Variants in GSDMC observed in about 807,000 individuals in gnomAD.
GSDMC encodes gasdermin C.
GSDMC carries 59 observed loss-of-function variants against 58.0 expected under a neutral mutation model. That is an observed-to-expected ratio of 1.02 (90% confidence interval 0.82 to 1.26). The LOEUF is 1.26. Ranked by LOEUF, GSDMC falls within the 50% of genes most tolerant of loss-of-function variation. The pLI is 0.00. For synonymous variants in GSDMC, 241 were observed against 220.2 expected, an observed-to-expected ratio of 1.09 and a Z score of -0.83; for missense variants, 659 against 598.5, an observed-to-expected ratio of 1.10 and a Z score of -1.06.
downstream of GSDMC, among the ~76,000 whole-genome samples, chr8:129,747,428 C>CTGTTTAAAAGTGAAGACA (rs2032989929): frequency 6.6e-6 from 1 of 152,020 alleles, no homozygotes; most frequent in Non-Finnish European, 1.5e-5. Context: ...AAAGTAAACA[C>CTGTTTAAAAGTGAAGACA]TGTTTAAAAG....
intron 3 of GSDMC, among the ~76,000 whole-genome samples, chr8:129,774,196 AACAG>A (rs2034148958): frequency 6.6e-6 from 1 of 152,202 alleles, no homozygotes; most frequent in African/African-American, 2.4e-5. Flanking sequence ...CTTGCATAAA[AACAG>A]ACATATAAAC....
chr8:129,715,577 G>C, the GSDMC span, among the ~76,000 whole-genome samples: 2 of 152,098 alleles, frequency 1.3e-5, no homozygotes, highest in Admixed American at 1.3e-4. Context: ...CCTTAAATGA[G>C]TTTCAAAATC....
rs114290577 is a variant in GSDMC at position 129,756,962 on chromosome 8, T to C, written c.721+3583A>G. On this transcript the variant is annotated intron_variant, in intron 6 of 13. Coordinates refer to ENST00000276708, the MANE Select transcript of GSDMC (RefSeq NM_031415.3). The stretch of plus-strand genomic sequence containing the variant: ...GCCTACATCAAAAAAGAAGAAAAAC[T>C]TCATAAAAAACTACCTTATGATGCA... 9.5e-3 allele frequency among the ~76,000 whole-genome samples: 1,435 copies of C among 151,422 alleles called. 30 individuals carry two copies. The highest frequency in any genetic ancestry group is 0.033 in the African/African-American group (1,363 of 41,302).
intron 13 of GSDMC, 95 bp from the exon 14 acceptor site, chr8:129,748,835 A>T: frequency 9.8e-7 from 1 of 1,025,044 alleles, no homozygotes; most frequent in Non-Finnish European, 1.4e-6. Context: ...AGGATAATAA[A>T]AGGAGCAAGA....
chr8:129,763,679 C>T (rs766313360), intron 4 of GSDMC, among the ~76,000 whole-genome samples: 70 of 152,260 alleles, frequency 4.6e-4, no homozygotes, highest in Admixed American at 5.9e-4. Flanking sequence ...CAGGCTCAAG[C>T]AATTCTCCCA....
Position 129,748,396 on chromosome 8 carries a change from G to C in GSDMC, c.*105C>G. On this transcript the variant is annotated 3_prime_UTR_variant, in exon 14 of 14. Transcript: ENST00000276708. ...CCCATTACTGTCTCTACTCCACCTG[G>C]AAACGCAGAGAGGCACAGCCCTATC... 3.4e-6 allele frequency: 4 copies of C among 1,172,628 alleles called. No homozygotes were observed. The highest frequency in any genetic ancestry group is 4.7e-6 in the Non-Finnish European group (4 of 850,776). 72.6% of individuals were successfully genotyped at this position (1,172,628 alleles called of 1,614,324 possible).
chr8:129,758,405 T>C (rs2033526294), intron 6 of GSDMC, among the ~76,000 whole-genome samples: 1 of 152,146 alleles, frequency 6.6e-6, no homozygotes, highest in Admixed American at 6.5e-5. Context: ...GGCATCCAGA[T>C]TGGAAAGGAA....
chr8:129,753,440 C>A (rs992866798), intron 6 of GSDMC, among the ~76,000 whole-genome samples: 3 of 152,278 alleles, frequency 2.0e-5, no homozygotes, highest in East Asian at 1.9e-4. Context: ...ACAGTCCTGG[C>A]AGAATTCATC....
At chr8:129,772,327 G>A (rs1248932171) in intron 3 of GSDMC, among the ~76,000 whole-genome samples, 1 of 148,680 alleles carries the variant, frequency 6.7e-6, no homozygotes, top group Admixed American at 6.7e-5. Context: ...CAATAGAAAA[G>A]AAAAGGTAAT....
At chr8:129,737,920 A>G in the GSDMC span, among the ~76,000 whole-genome samples, 1 of 152,226 alleles carries the variant, frequency 6.6e-6, no homozygotes, top group African/African-American at 2.4e-5. Context: ...TCGTCTGACA[A>G]AGGGCTAATA....
At position 129,786,599 on chromosome 8, in the gene GSDMC, C is replaced by T. The variant is rs544569018; in HGVS notation, c.-593G>A. On this transcript the variant is annotated 5_prime_UTR_variant, in exon 1 of 14. Coordinates refer to ENST00000276708, the MANE Select transcript of GSDMC (RefSeq NM_031415.3). ...AGCTCTCAAGTCCTCAGCAAAAAGT[C>T]TGTGGAACAAAATCAAGTGGCATCT... 6.6e-6 allele frequency: 1 copy of T among 151,934 alleles called. No individual in the cohort carries two copies. The highest frequency in any genetic ancestry group is 1.9e-4 in the East Asian group (1 of 5,182). The allele number at this position is 151,934 out of a possible 1,614,324, so 9.4% of individuals were successfully genotyped here.
intron 3 of GSDMC, among the ~76,000 whole-genome samples, chr8:129,773,332 G>C (rs113493103): frequency 6.6e-6 from 1 of 152,208 alleles, no homozygotes; most frequent in East Asian, 1.9e-4. Context: ...AAGTAAAATT[G>C]CCTGTTTACA....
At chr8:129,751,231 G>A (rs1475678507) in intron 10 of GSDMC, among the ~76,000 whole-genome samples, 1 of 152,180 alleles carries the variant, frequency 6.6e-6, no homozygotes, top group East Asian at 1.9e-4. Context: ...AGGGGTGGAT[G>A]CTGGGGGCCC....
At chr8:129,763,787 C>T (rs1395748047) in intron 4 of GSDMC, among the ~76,000 whole-genome samples, 1 of 152,044 alleles carries the variant, frequency 6.6e-6, no homozygotes, top group East Asian at 1.9e-4. Context: ...ACTATGTTGC[C>T]CAGGCTGGTG....
the GSDMC span, among the ~76,000 whole-genome samples, chr8:129,719,655 A>G: frequency 6.6e-6 from 1 of 152,182 alleles, no homozygotes; most frequent in African/African-American, 2.4e-5. Flanking sequence ...TTTAAAAACG[A>G]TTCAAGTGGC....
chr8:129,706,526 T>C, the GSDMC span: 65,194 of 152,058 alleles, frequency 0.43, 18,763 homozygotes, highest in African/African-American at 0.79. Context: ...TCAATGACTT[T>C]AAAGTCCTTT....
At chr8:129,783,697 T>C (rs2034479019) in intron 1 of GSDMC, among the ~76,000 whole-genome samples, 1 of 152,140 alleles carries the variant, frequency 6.6e-6, no homozygotes, top group Admixed American at 6.5e-5. Flanking sequence ...ATGCAAATTA[T>C]ATCAAAATAT....
chr8:129,743,113 A>G, the GSDMC span, among the ~76,000 whole-genome samples: 1 of 152,144 alleles, frequency 6.6e-6, no homozygotes, highest in East Asian at 1.9e-4. Context: ...TATCCTGTTC[A>G]GAGTTCACCA....
the GSDMC span, among the ~76,000 whole-genome samples, chr8:129,721,764 T>C: frequency 6.6e-6 from 1 of 152,224 alleles, no homozygotes; most frequent in Non-Finnish European, 1.5e-5. Flanking sequence ...AACAGAACTT[T>C]GGGTTTACAT....
Sources: gnomAD v4.1 joint callset for allele counts (sites outside exome capture counted in the v4.1 genomes callset) on GRCh38, gnomAD v4.1.1 for gene constraint, MANE v1.5 for transcripts, NCBI Gene and HGNC (gene_info 2026-07-23, HGNC 2026-07-21) for gene names.